Variants in PCDHGA5 observed in about 807,000 individuals in gnomAD.
PCDHGA5 encodes protocadherin gamma-A5.
A neutral mutation model predicts 56.7 loss-of-function variants in PCDHGA5; 36 were observed. That is an observed-to-expected ratio of 0.64 (90% CI 0.49 to 0.84). The LOEUF (loss-of-function observed/expected upper bound fraction) is 0.84. PCDHGA5 is among the 40% of genes least tolerant of loss of function. The probability of loss-of-function intolerance (pLI) is 0.00; values close to 1 mark genes in which losing one functional copy is unlikely to be tolerated. For missense variants in PCDHGA5, 1,305 were observed against 1,201.5 expected, an observed-to-expected ratio of 1.09 and a Z score of -1.27; for synonymous variants, 563 against 520.2, an observed-to-expected ratio of 1.08 and a Z score of -1.12.
At chr5:141,421,322 T>A (rs774885270) in intron 1 of PCDHGA5, 1 of 1,613,864 alleles carries the variant, frequency 6.2e-7, no homozygotes, top group Non-Finnish European at 8.5e-7. Context: ...GCCAGGCAGA[T>A]CCGATATTCG....
intron 1 of PCDHGA5, among the ~76,000 whole-genome samples, chr5:141,433,408 A>ATCT (rs1413347413): frequency 3.1e-3 from 395 of 127,344 alleles, no homozygotes; most frequent in African/African-American, 0.011. Context: ...TCTATCTATT[A>ATCT]CTTTCTTGTA....
In PCDHGA5 at chr5:141,486,981, A is replaced by G. The variant is rs1457098151; in HGVS notation, c.2422-7826A>G. Reference sequence around the variant, plus strand: ...GCTGTGGACTTGGATTCAGGTTACAATGCTTGGGTTTCCTATCAGCTCCTG... The same window carrying G: ...GCTGTGGACTTGGATTCAGGTTACAGTGCTTGGGTTTCCTATCAGCTCCTG... On this transcript the variant is annotated intron_variant, in intron 1 of 3. Coordinates refer to ENST00000518069, the MANE Select transcript of PCDHGA5 (RefSeq NM_018918.3). The surrounding 1 kb of genome is among the most constrained non-coding windows in gnomAD (Gnocchi z 5.0). 17 of 1,614,038 alleles carry G rather than the reference A, an allele frequency of 1.1e-5. No individual in the cohort carries two copies. The highest frequency in any genetic ancestry group is 4.0e-5 in the African/African-American group (3 of 74,922).
intron 1 of PCDHGA5, chr5:141,404,892 A>G (rs2094580163): frequency 1.2e-6 from 2 of 1,613,880 alleles, no homozygotes; most frequent in African/African-American, 1.3e-5. Flanking sequence ...GTGGCTGTAC[A>G]GGACCATGGC....
chr5:141,486,162 T>G lies in PCDHGA5; in HGVS notation c.2422-8645T>G, dbSNP rs763023343. ...GCTCGCGATGGGGGTTCTCCAGCCA[T>G]GGAGCAACATTGCAGCCTTCGAGTG... On this transcript the variant is annotated intron_variant, in intron 1 of 3. Coordinates refer to ENST00000518069, the MANE Select transcript of PCDHGA5 (RefSeq NM_018918.3). The surrounding 1 kb of genome is among the most constrained non-coding windows in gnomAD (Gnocchi z 5.0). The G allele has an allele frequency of 6.2e-7, 1 of 1,614,170 alleles. No individual in the cohort carries two copies. Among genetic ancestry groups the G allele is most frequent in the Non-Finnish European group, 8.5e-7 (1 of 1,180,026 alleles).
chr5:141,421,760 A>G, intron 1 of PCDHGA5: 1 of 1,613,868 alleles, frequency 6.2e-7, no homozygotes, highest in South Asian at 1.1e-5. Context: ...CCTAATAATT[A>G]CTTTTCCTTG....
At chr5:141,408,850 C>T (rs2095179070) in intron 1 of PCDHGA5, 2 of 1,613,554 alleles carry the variant, frequency 1.2e-6, no homozygotes, top group South Asian at 1.1e-5. Context: ...CTGCCTTGGA[C>T]GGAGGGGACC....
intron 3 of PCDHGA5, chr5:141,508,128 T>C (rs1490298338): frequency 6.6e-6 from 1 of 151,706 alleles, no homozygotes; most frequent in African/African-American, 2.4e-5. Context: ...CAGAGGGAGG[T>C]CAGGGAGCTG....
chr5:141,447,966 A>C (rs2098556806), intron 1 of PCDHGA5, among the ~76,000 whole-genome samples: 1 of 151,922 alleles, frequency 6.6e-6, no homozygotes, highest in Non-Finnish European at 1.5e-5. Context: ...GACACCTATA[A>C]TCCCAGCTAC....
At chr5:141,405,955 CCTG>C (rs1293666113) in intron 1 of PCDHGA5, among the ~76,000 whole-genome samples, 4 of 152,056 alleles carry the variant, frequency 2.6e-5, no homozygotes, top group African/African-American at 9.7e-5. Context: ...TAATAATTAA[CCTG>C]CTGTCAACGT....
intron 1 of PCDHGA5, chr5:141,413,400 G>C: frequency 6.2e-7 from 1 of 1,614,060 alleles, no homozygotes; most frequent in Non-Finnish European, 8.5e-7. Context: ...CCAGAGGTAG[G>C]ACGCAGCTTT....
chr5:141,481,691 C>G (rs929210528), intron 1 of PCDHGA5, among the ~76,000 whole-genome samples: 3 of 152,080 alleles, frequency 2.0e-5, no homozygotes, highest in African/African-American at 4.8e-5. Context: ...TGGTGGCTCA[C>G]GCCTGTAATC....
At chr5:141,399,933 C>T in intron 1 of PCDHGA5, 5 of 1,612,358 alleles carry the variant, frequency 3.1e-6, no homozygotes, top group Non-Finnish European at 1.7e-6. Context: ...GGCTGTCCTA[C>T]CACGTGCTGC....
chr5:141,457,118 A>G (rs1427146922), intron 1 of PCDHGA5, among the ~76,000 whole-genome samples: 3 of 152,228 alleles, frequency 2.0e-5, no homozygotes, highest in Non-Finnish European at 4.4e-5. Context: ...TACGACAGCA[A>G]TGGAAACTCT....
chr5:141,374,643 A>G (rs1283839211), intron 1 of PCDHGA5: 1 of 1,612,916 alleles, frequency 6.2e-7, no homozygotes, highest in Admixed American at 1.7e-5. Flanking sequence ...AGCGAAGCCC[A>G]TGGGCCCAAG....
rs1218837884 is a variant in PCDHGA5 at position 141,403,668 on chromosome 5, C to A, written c.2421+36917C>A. On this transcript the variant is annotated intron_variant, in intron 1 of 3. Coordinates refer to ENST00000518069, the MANE Select transcript of PCDHGA5 (RefSeq NM_018918.3). ...ACAGTGTTGGATACAAATGATAATG[C>A]CCCGGTTTTTGCTCAACGGATTTAC... 1.9e-6 allele frequency: 3 copies of A among 1,613,772 alleles called. No individual in the cohort carries two copies. In the African/African-American group the frequency reaches 4.0e-5, roughly 22 times the overall value.
At chr5:141,370,648 T>A in intron 1 of PCDHGA5, 1 of 1,613,920 alleles carries the variant, frequency 6.2e-7, no homozygotes, top group Non-Finnish European at 8.5e-7. Context: ...GGGAACTTAC[T>A]TGTGAGCGAC....
At chr5:141,446,288 G>C (rs1437669688) in intron 1 of PCDHGA5, among the ~76,000 whole-genome samples, 1 of 152,100 alleles carries the variant, frequency 6.6e-6, no homozygotes, top group Non-Finnish European at 1.5e-5. Flanking sequence ...GGATAAATGG[G>C]GAGCAGGGAT....
chr5:141,506,737 C>T (rs893758261), intron 3 of PCDHGA5, among the ~76,000 whole-genome samples: 5 of 152,076 alleles, frequency 3.3e-5, no homozygotes, highest in African/African-American at 1.2e-4. Flanking sequence ...AGAATAATGC[C>T]TATTAATAAA....
intron 1 of PCDHGA5, chr5:141,408,193 C>T (rs1280310689): frequency 6.5e-7 from 1 of 1,545,210 alleles, no homozygotes; most frequent in Non-Finnish European, 8.7e-7. Flanking sequence ...AGCGAGAACC[C>T]GAGCGAACGA....
Sources: gnomAD v4.1 joint callset for allele counts (sites outside exome capture counted in the v4.1 genomes callset) on GRCh38, gnomAD v4.1.1 for gene constraint, Gnocchi (gnomAD v3.1) non-coding constraint, MANE v1.5 for transcripts, NCBI Gene and HGNC (gene_info 2026-07-23, HGNC 2026-07-21) for gene names.